Variants in SAMMSON observed in about 807,000 individuals in gnomAD.
SAMMSON encodes the protein long intergenic non-protein coding RNA 1212.
At chr3:70,396,483 G>A (rs1701094241) in intron 2 of SAMMSON, among the ~76,000 whole-genome samples, 1 of 152,142 alleles carries the variant, frequency 6.6e-6, no homozygotes, top group Non-Finnish European at 1.5e-5. Context: ...GCAAATATTT[G>A]AGGACCACAC....
intron 4 of SAMMSON, among the ~76,000 whole-genome samples, chr3:70,082,677 C>T (rs1266691689): frequency 6.6e-6 from 1 of 152,202 alleles, no homozygotes; most frequent in Non-Finnish European, 1.5e-5. Flanking sequence ...CTCTGCTCTT[C>T]ACTGAGCTGT....
At chr3:70,380,514 T>C (rs1383137797) in intron 9 of SAMMSON, among the ~76,000 whole-genome samples, 1 of 152,210 alleles carries the variant, frequency 6.6e-6, no homozygotes, top group Non-Finnish European at 1.5e-5. Context: ...ATGTGGTCTC[T>C]AAATACCATT....
At chr3:70,211,880 T>A (rs1701354084) in intron 4 of SAMMSON, among the ~76,000 whole-genome samples, 1 of 145,558 alleles carries the variant, frequency 6.9e-6, no homozygotes. Context: ...TCCCTTCCCT[T>A]CTTCCCTTCC....
At chr3:70,365,323 ATATATGTGTGTG>A (rs1702912410) in intron 9 of SAMMSON, among the ~76,000 whole-genome samples, 1 of 151,168 alleles carries the variant, frequency 6.6e-6, no homozygotes, top group Non-Finnish European at 1.5e-5. Context: ...ACACACACAT[ATATATGTGTGTG>A]TATATGTGTG....
intron 6 of SAMMSON, among the ~76,000 whole-genome samples, chr3:70,278,549 G>A (rs545178080): frequency 6.6e-6 from 1 of 152,194 alleles, no homozygotes; most frequent in Non-Finnish European, 1.5e-5. Flanking sequence ...ACTCTGTGCT[G>A]TTGTCAGCAT....
chr3:70,021,717 G>C (rs2067013952), intron 3 of SAMMSON, among the ~76,000 whole-genome samples: 1 of 151,786 alleles, frequency 6.6e-6, no homozygotes, highest in Non-Finnish European at 1.5e-5. Flanking sequence ...TATTATTTTG[G>C]GATTGTTTTC....
intron 2 of SAMMSON, among the ~76,000 whole-genome samples, chr3:70,420,959 G>T (rs1367428541): frequency 6.6e-6 from 1 of 151,782 alleles, no homozygotes; most frequent in Non-Finnish European, 1.5e-5. Flanking sequence ...TTTATTCTGT[G>T]CATGCCAATT....
At chr3:70,381,852 A>G (rs556998653) in intron 9 of SAMMSON, among the ~76,000 whole-genome samples, 8 of 152,250 alleles carry the variant, frequency 5.3e-5, no homozygotes, top group Admixed American at 4.6e-4. Flanking sequence ...CAACAGCTAA[A>G]TCAATTTGTT....
At chr3:70,191,827 T>C (rs1330172364) in intron 4 of SAMMSON, among the ~76,000 whole-genome samples, 2 of 151,716 alleles carry the variant, frequency 1.3e-5, no homozygotes, top group Non-Finnish European at 2.9e-5. Context: ...CTTGTGATAA[T>C]TGGTTATTTG....
chr3:70,039,364 G>A (rs6796351), intron 3 of SAMMSON, among the ~76,000 whole-genome samples: 7,031 of 152,004 alleles, frequency 0.046, 368 homozygotes, highest in African/African-American at 0.13. Context: ...TTAAGTAAGC[G>A]AACTGCCCTC....
intron 9 of SAMMSON, among the ~76,000 whole-genome samples, chr3:70,388,061 T>G (rs1050118682): frequency 2.6e-5 from 4 of 152,122 alleles, no homozygotes; most frequent in Non-Finnish European, 5.9e-5. Flanking sequence ...TTTTGACACG[T>G]TGGTCAACAA....
intron 4 of SAMMSON, among the ~76,000 whole-genome samples, chr3:70,203,336 C>G (rs928728508): frequency 3.3e-5 from 5 of 152,084 alleles, no homozygotes; most frequent in African/African-American, 9.7e-5. Context: ...CCCACTCCCC[C>G]ACACTGAGTT....
At chr3:70,320,437 C>A (rs1161465827) in intron 7 of SAMMSON, among the ~76,000 whole-genome samples, 1 of 152,010 alleles carries the variant, frequency 6.6e-6, no homozygotes, top group African/African-American at 2.4e-5. Flanking sequence ...CTACCATCAG[C>A]AGAAATGTGG....
At chr3:70,337,676 G>T (rs566572049) in intron 7 of SAMMSON, among the ~76,000 whole-genome samples, 1 of 151,584 alleles carries the variant, frequency 6.6e-6, no homozygotes, top group Non-Finnish European at 1.5e-5. Context: ...GGACTTATAC[G>T]CTAACTTAAA....
At chr3:70,045,461 T>C (rs1413133208) in intron 3 of SAMMSON, among the ~76,000 whole-genome samples, 1 of 151,692 alleles carries the variant, frequency 6.6e-6, no homozygotes, top group Non-Finnish European at 1.5e-5. Context: ...GCTCATTCAG[T>C]AGCACACACC....
At chr3:70,264,387 GC>G (rs1701896283) in intron 6 of SAMMSON, among the ~76,000 whole-genome samples, 1 of 152,144 alleles carries the variant, frequency 6.6e-6, no homozygotes, top group African/African-American at 2.4e-5. Flanking sequence ...TTTTTAGAGG[GC>G]AAACACAGCA....
chr3:70,376,374 A>G (rs957468654), intron 9 of SAMMSON, among the ~76,000 whole-genome samples: 2 of 152,312 alleles, frequency 1.3e-5, no homozygotes, highest in Middle Eastern at 3.4e-3. Flanking sequence ...TAAATGCCAT[A>G]TACACTAATT....
intron 4 of SAMMSON, among the ~76,000 whole-genome samples, chr3:70,148,737 G>A (rs2067559403): frequency 2.0e-5 from 3 of 152,020 alleles, no homozygotes; most frequent in African/African-American, 7.2e-5. Flanking sequence ...ACTACCTTGA[G>A]GGCAGCACCA....
At chr3:70,334,680 C>A (rs115166688) in intron 7 of SAMMSON, among the ~76,000 whole-genome samples, 164 of 152,114 alleles carry the variant, frequency 1.1e-3, no homozygotes, top group African/African-American at 3.8e-3. Flanking sequence ...TCACAACAAC[C>A]CTGTAAGCTA....
Sources: gnomAD v4.1 joint callset for allele counts (sites outside exome capture counted in the v4.1 genomes callset) on GRCh38, gnomAD v4.1.1 for gene constraint, MANE v1.5 for transcripts, NCBI Gene and HGNC (gene_info 2026-07-23, HGNC 2026-07-21) for gene names.